Variants in GRID2 observed in about 807,000 individuals in gnomAD.
GRID2 encodes glutamate receptor ionotropic, delta-2.
Under a neutral mutation model 114.8 loss-of-function variants are expected in GRID2, and 33 were observed. The ratio of observed to expected loss-of-function variants is 0.29; its 90% CI spans 0.22 to 0.38. GRID2 has a LOEUF of 0.38. Among genes scored for constraint, GRID2 ranks in the 10% least tolerant of loss-of-function variants. The pLI, the probability that GRID2 is intolerant of heterozygous loss-of-function variation, is 1.00. For missense variants in GRID2, 1,184 were observed against 1,257.7 expected, an observed-to-expected ratio of 0.94 and a Z score of 0.89; for synonymous variants, 505 against 449.9, an observed-to-expected ratio of 1.12 and a Z score of -1.55.
At chr4:92,720,290 C>A (rs1269674925) in intron 2 of GRID2, among the ~76,000 whole-genome samples, 4 of 151,916 alleles carry the variant, frequency 2.6e-5, no homozygotes, top group African/African-American at 9.7e-5. Flanking sequence ...ACTATGTGTG[C>A]AATTTATCCT....
At chr4:92,665,803 G>C (rs1732743417) in intron 2 of GRID2, among the ~76,000 whole-genome samples, 1 of 150,668 alleles carries the variant, frequency 6.6e-6, no homozygotes, top group Non-Finnish European at 1.5e-5. Context: ...GTCTCATTGA[G>C]GTTGCATATT....
At chr4:92,863,890 C>A (rs186174171) in intron 2 of GRID2, among the ~76,000 whole-genome samples, 1 of 152,208 alleles carries the variant, frequency 6.6e-6, no homozygotes, top group Non-Finnish European at 1.5e-5. Flanking sequence ...GAAAAGGATT[C>A]ATCTCTCAGC....
intron 4 of GRID2, among the ~76,000 whole-genome samples, chr4:93,154,639 T>C (rs914638040): frequency 5.9e-5 from 9 of 151,970 alleles, no homozygotes; most frequent in African/African-American, 2.2e-4. Flanking sequence ...ATCTTAAAAG[T>C]ATCTGATTGA....
chr4:92,959,669 G>A (rs1048795029), intron 2 of GRID2, among the ~76,000 whole-genome samples: 1 of 152,080 alleles, frequency 6.6e-6, no homozygotes, highest in Admixed American at 6.6e-5. Context: ...GGAATACAAT[G>A]CAGCCATAAA....
chr4:93,056,037 A>T (rs1727203025), intron 2 of GRID2, among the ~76,000 whole-genome samples: 1 of 151,798 alleles, frequency 6.6e-6, no homozygotes, highest in Admixed American at 6.6e-5. Context: ...TTCTGAACTC[A>T]TTAAGGTCCC....
At chr4:93,486,001 A>G (rs1400799642) in intron 11 of GRID2, among the ~76,000 whole-genome samples, 4 of 151,720 alleles carry the variant, frequency 2.6e-5, no homozygotes, top group South Asian at 2.1e-4. Context: ...TGAACATGCT[A>G]TATCTTCATT....
chr4:92,761,914 TAA>T (rs1255721103), intron 2 of GRID2, among the ~76,000 whole-genome samples: 1 of 152,158 alleles, frequency 6.6e-6, no homozygotes, highest in Non-Finnish European at 1.5e-5. Context: ...TAATATGTGT[TAA>T]GTTGTTTTTT....
chr4:92,653,706 C>T (rs1009638351), intron 2 of GRID2, among the ~76,000 whole-genome samples: 1 of 152,138 alleles, frequency 6.6e-6, no homozygotes, highest in African/African-American at 2.4e-5. Flanking sequence ...CAATAGTGAG[C>T]CAGCAGATTT....
At chr4:93,588,863 C>T (rs900334879) in intron 13 of GRID2, among the ~76,000 whole-genome samples, 1 of 152,088 alleles carries the variant, frequency 6.6e-6, no homozygotes, top group African/African-American at 2.4e-5. Context: ...ACTGGACCTG[C>T]TTTCCAGCTA....
intron 1 of GRID2, among the ~76,000 whole-genome samples, chr4:92,334,926 C>T (rs148227877): frequency 1.4e-4 from 21 of 152,292 alleles, no homozygotes; most frequent in African/African-American, 4.6e-4. Flanking sequence ...TCAAATTGTG[C>T]CTGGAGCCTG....
chr4:92,972,186 G>T (rs926147048), intron 2 of GRID2, among the ~76,000 whole-genome samples: 3 of 149,900 alleles, frequency 2.0e-5, no homozygotes, highest in African/African-American at 7.4e-5. Context: ...TTCTCTTTTC[G>T]CTTCACCTTT....
intron 2 of GRID2, among the ~76,000 whole-genome samples, chr4:92,927,013 C>G (rs1337277593): frequency 2.6e-5 from 4 of 151,836 alleles, no homozygotes. Flanking sequence ...CCAACCAGCT[C>G]TCCTTTAAAA....
At chr4:93,288,218 A>C (rs1224445732) in intron 8 of GRID2, among the ~76,000 whole-genome samples, 2 of 152,246 alleles carry the variant, frequency 1.3e-5, no homozygotes, top group Non-Finnish European at 2.9e-5. Context: ...CAACAGCTTG[A>C]AATTATCATT....
intron 8 of GRID2, among the ~76,000 whole-genome samples, chr4:93,323,710 T>A (rs1444976896): frequency 6.6e-6 from 1 of 152,164 alleles, no homozygotes; most frequent in East Asian, 1.9e-4. Context: ...GTTTGTGTCC[T>A]CTTTCATTTC....
At chr4:93,692,171 G>T (rs1726624544) in intron 14 of GRID2, among the ~76,000 whole-genome samples, 1 of 152,036 alleles carries the variant, frequency 6.6e-6, no homozygotes, top group Non-Finnish European at 1.5e-5. Flanking sequence ...TAGCTGCTAA[G>T]GAGAAAAATG....
intron 1 of GRID2, among the ~76,000 whole-genome samples, chr4:92,475,862 G>C (rs1337591647): frequency 2.0e-5 from 3 of 150,918 alleles, no homozygotes; most frequent in African/African-American, 7.3e-5. Flanking sequence ...TATAGTTTTC[G>C]GTTTACAGAT....
intron 8 of GRID2, among the ~76,000 whole-genome samples, chr4:93,353,832 A>T (rs1222453838): frequency 6.6e-6 from 1 of 152,066 alleles, no homozygotes; most frequent in Non-Finnish European, 1.5e-5. Flanking sequence ...ATTTTACTCC[A>T]TTTAGCCTCC....
intron 8 of GRID2, among the ~76,000 whole-genome samples, chr4:93,381,726 A>G (rs1178276918): frequency 6.6e-6 from 1 of 152,100 alleles, no homozygotes; most frequent in Non-Finnish European, 1.5e-5. Flanking sequence ...ACCTTTACAC[A>G]TTGCAGGTCC....
intron 2 of GRID2, among the ~76,000 whole-genome samples, chr4:92,693,936 A>T (rs1734306975): frequency 6.6e-6 from 1 of 152,202 alleles, no homozygotes; most frequent in Non-Finnish European, 1.5e-5. Flanking sequence ...GAGAGTTGTG[A>T]TAATAACCAG....
Sources: gnomAD v4.1 joint callset for allele counts (sites outside exome capture counted in the v4.1 genomes callset) on GRCh38, gnomAD v4.1.1 for gene constraint, MANE v1.5 for transcripts, NCBI Gene and HGNC (gene_info 2026-07-23, HGNC 2026-07-21) for gene names.